Variants in NRXN3 observed in about 807,000 individuals in gnomAD.
The protein encoded by NRXN3 is neurexin III.
Under a neutral mutation model 137.6 loss-of-function variants are expected in NRXN3, and 32 were observed. The observed-to-expected ratio is 0.23, with a 90% CI of 0.18 to 0.31. NRXN3 has a LOEUF of 0.31. Among genes scored for constraint, NRXN3 ranks in the 10% least tolerant of loss-of-function variants. The pLI is 1.00. For missense variants in NRXN3, 1,574 were observed against 2,062.5 expected, an observed-to-expected ratio of 0.76 and a Z score of 4.59; for synonymous variants, 798 against 784.5, an observed-to-expected ratio of 1.02 and a Z score of -0.29.
At chr14:78,922,790 A>C (rs545473871) in intron 10 of NRXN3, among the ~76,000 whole-genome samples, 30 of 152,316 alleles carry the variant, frequency 2.0e-4, no homozygotes, top group Non-Finnish European at 3.4e-4. Flanking sequence ...TAGGTGCAGC[A>C]CATCACCATG....
At position 79,791,505 on chromosome 14, in the gene NRXN3, G is replaced by GTAA. The variant is rs752539294; in HGVS notation, c.4015-13605_4015-13603dup. 6.7e-3 allele frequency among the ~76,000 whole-genome samples: 964 copies of GTAA among 144,810 alleles called. 10 individuals are homozygous for GTAA. Among genetic ancestry groups the GTAA allele is most frequent in the African/African-American group, 0.023 (922 of 39,886 alleles). ...TAATAATTATAATTAATTATATATTGTAATTATAATTAATTATATATTATA... is the reference window on the plus strand; with the variant it reads ...TAATAATTATAATTAATTATATATTGTAATAATTATAATTAATTATATATTATA... On this transcript the variant is annotated intron_variant, in intron 19 of 20. Coordinates refer to ENST00000335750, the MANE Select transcript of NRXN3 (RefSeq NM_001330195.2).
At chr14:78,585,138 A>G (rs928276710) in intron 4 of NRXN3, among the ~76,000 whole-genome samples, 4 of 121,314 alleles carry the variant, frequency 3.3e-5, no homozygotes, top group African/African-American at 1.3e-4. Context: ...TAGGGGAGAT[A>G]AGGGGGGGGG....
At chr14:78,900,249 A>G (rs918619233) in intron 10 of NRXN3, among the ~76,000 whole-genome samples, 2 of 151,746 alleles carry the variant, frequency 1.3e-5, no homozygotes, top group Non-Finnish European at 2.9e-5. Flanking sequence ...ACACCTAAAG[A>G]GGGCCCTTAG....
At chr14:78,616,867 A>T (rs1240538238) in intron 4 of NRXN3, among the ~76,000 whole-genome samples, 2 of 152,220 alleles carry the variant, frequency 1.3e-5, no homozygotes, top group Non-Finnish European at 2.9e-5. Context: ...ACATGAATTA[A>T]TATGTAATGA....
intron 11 of NRXN3, 77 bp downstream of exon 11, chr14:78,957,438 G>A: frequency 6.6e-7 from 1 of 1,518,164 alleles, no homozygotes; most frequent in Non-Finnish European, 8.9e-7. Flanking sequence ...ACAGTGTTTT[G>A]CAAAACCTTT....
chr14:79,101,718 T>C (rs1282545601), intron 15 of NRXN3, among the ~76,000 whole-genome samples: 1 of 152,202 alleles, frequency 6.6e-6, no homozygotes, highest in Non-Finnish European at 1.5e-5. Context: ...AAAGGATATG[T>C]CAAAGAAGTC....
intron 10 of NRXN3, among the ~76,000 whole-genome samples, chr14:78,913,341 G>A (rs965302428): frequency 8.8e-5 from 11 of 124,814 alleles, no homozygotes; most frequent in East Asian, 2.7e-4. Context: ...GTGTAGTGGC[G>A]CAATCTCAGT....
chr14:78,964,329 G>A (rs1230548552), intron 11 of NRXN3, among the ~76,000 whole-genome samples: 1 of 152,142 alleles, frequency 6.6e-6, no homozygotes, highest in African/African-American at 2.4e-5. Flanking sequence ...AGACAGAACT[G>A]CCCACTTGAA....
At chr14:79,449,662 G>A (rs1335504939) in intron 15 of NRXN3, among the ~76,000 whole-genome samples, 2 of 152,126 alleles carry the variant, frequency 1.3e-5, no homozygotes, top group African/African-American at 4.8e-5. Context: ...TAAAGCCTAT[G>A]TATGCAGTGT....
intron 16 of NRXN3, among the ~76,000 whole-genome samples, chr14:79,598,657 C>T (rs2097888515): frequency 6.6e-6 from 1 of 152,188 alleles, no homozygotes; most frequent in Non-Finnish European, 1.5e-5. Flanking sequence ...TTCTACTTCC[C>T]TCAAAATCTA....
intron 4 of NRXN3, among the ~76,000 whole-genome samples, chr14:78,317,567 C>T (rs1190277520): frequency 1.3e-5 from 2 of 152,168 alleles, no homozygotes; most frequent in Non-Finnish European, 2.9e-5. Context: ...AAAGTATCTT[C>T]CATGAAATTG....
chr14:78,230,328 GTC>G (rs112795410), intron 1 of NRXN3, among the ~76,000 whole-genome samples: 20,942 of 147,534 alleles, frequency 0.14, 1,429 homozygotes, highest in East Asian at 0.16. Flanking sequence ...GTCTCTGTCT[GTC>G]TCTCTCTCTC....
At chr14:79,566,583 A>G (rs1019759589) in intron 16 of NRXN3, among the ~76,000 whole-genome samples, 1 of 152,164 alleles carries the variant, frequency 6.6e-6, no homozygotes, top group Non-Finnish European at 1.5e-5. Context: ...TTACAGAGTC[A>G]TACAACCATA....
At chr14:78,588,629 C>T (rs895420076) in intron 4 of NRXN3, among the ~76,000 whole-genome samples, 45 of 152,196 alleles carry the variant, frequency 3.0e-4, no homozygotes, top group African/African-American at 1.1e-3. Context: ...TACGATAATA[C>T]TCGCTTCTCC....
At chr14:78,379,415 G>A (rs1167171437) in intron 4 of NRXN3, among the ~76,000 whole-genome samples, 2 of 152,140 alleles carry the variant, frequency 1.3e-5, no homozygotes, top group East Asian at 3.9e-4. Flanking sequence ...TATGTACCAG[G>A]AACAAGTAAA....
intron 4 of NRXN3, among the ~76,000 whole-genome samples, chr14:78,619,948 C>A (rs530883222): frequency 3.3e-5 from 5 of 152,266 alleles, no homozygotes; most frequent in Admixed American, 1.3e-4. Flanking sequence ...AAAGAGGGCA[C>A]TCACCAGGCA....
intron 15 of NRXN3, among the ~76,000 whole-genome samples, chr14:79,035,403 G>A (rs2099614407): frequency 6.6e-6 from 1 of 151,896 alleles, no homozygotes. Context: ...GCCATATTTG[G>A]TCTTTTCATG....
At chr14:79,051,275 A>G (rs1032099924) in intron 15 of NRXN3, among the ~76,000 whole-genome samples, 4 of 152,216 alleles carry the variant, frequency 2.6e-5, no homozygotes, top group Non-Finnish European at 5.9e-5. Context: ...ACTAATGAGT[A>G]TGACAGCTAA....
At chr14:79,323,459 G>A (rs1417428577) in intron 15 of NRXN3, among the ~76,000 whole-genome samples, 1 of 152,208 alleles carries the variant, frequency 6.6e-6, no homozygotes, top group Non-Finnish European at 1.5e-5. Context: ...AAGCTCTTTA[G>A]AACACTTTGA....
Sources: allele counts gnomAD v4.1 joint callset (sites outside exome capture counted in the v4.1 genomes callset), GRCh38; gene constraint gnomAD v4.1.1; transcripts MANE v1.5; gene names NCBI Gene and HGNC (gene_info 2026-07-23, HGNC 2026-07-21).